PDE8B: variants seen among roughly 807,000 people sequenced by gnomAD.
PDE8B encodes high affinity cAMP-specific and IBMX-insensitive 3',5'-cyclic phosphodiesterase 8B.
A neutral mutation model predicts 101.3 loss-of-function variants in PDE8B; 26 were observed. That is an observed-to-expected ratio of 0.26 (90% CI 0.19 to 0.36). The LOEUF (loss-of-function observed/expected upper bound fraction) is 0.36, where lower values mean the gene tolerates loss of function less well. Ranked by LOEUF, PDE8B falls within the 10% of genes least tolerant of loss-of-function variation. The pLI, the probability that PDE8B is intolerant of heterozygous loss-of-function variation, is 1.00. For synonymous variants in PDE8B, 424 were observed against 429.3 expected, an observed-to-expected ratio of 0.99 and a Z score of 0.15; for missense variants, 810 against 1,163.1, an observed-to-expected ratio of 0.70 and a Z score of 4.42.
intron 6 of PDE8B, among the ~76,000 whole-genome samples, chr5:77,343,622 T>C (rs1779612647): frequency 6.6e-6 from 1 of 152,228 alleles, no homozygotes; most frequent in Non-Finnish European, 1.5e-5. Flanking sequence ...CAGGGCATTA[T>C]GTGTATAGGA....
chr5:77,392,935 A>G (rs1790244771), intron 10 of PDE8B, among the ~76,000 whole-genome samples: 2 of 152,242 alleles, frequency 1.3e-5, no homozygotes, highest in Admixed American at 6.5e-5. Context: ...AATAGTAGAA[A>G]TATAATGACA....
intron 1 of PDE8B, among the ~76,000 whole-genome samples, chr5:77,283,106 G>A (rs1399834440): frequency 2.0e-5 from 3 of 152,072 alleles, no homozygotes; most frequent in East Asian, 1.9e-4. Context: ...ATAGCTTTAC[G>A]TCTTTTACAT....
At chr5:77,367,229 T>C (rs998587657) in intron 10 of PDE8B, among the ~76,000 whole-genome samples, 1 of 152,014 alleles carries the variant, frequency 6.6e-6, no homozygotes, top group Non-Finnish European at 1.5e-5. Flanking sequence ...AGAAACTTCC[T>C]CACTGTCTTC....
intron 1 of PDE8B, among the ~76,000 whole-genome samples, chr5:77,233,774 T>G (rs535739310): frequency 6.6e-6 from 1 of 151,714 alleles, no homozygotes; most frequent in East Asian, 1.9e-4. Flanking sequence ...TTTATTAATA[T>G]TTCCACCTTT....
intron 1 of PDE8B, among the ~76,000 whole-genome samples, chr5:77,244,029 T>C (rs977855352): frequency 6.6e-6 from 1 of 151,638 alleles, no homozygotes; most frequent in African/African-American, 2.4e-5. Flanking sequence ...GCAGGGTATG[T>C]GGGAGAGTTG....
the PDE8B span, among the ~76,000 whole-genome samples, chr5:77,204,842 T>G: frequency 6.6e-6 from 1 of 152,226 alleles, no homozygotes; most frequent in African/African-American, 2.4e-5. Context: ...ACTCATGGAT[T>G]GTACTATATT....
At chr5:77,124,717 A>G in the PDE8B span, among the ~76,000 whole-genome samples, 2 of 152,358 alleles carry the variant, frequency 1.3e-5, no homozygotes, top group South Asian at 4.1e-4. Flanking sequence ...TACAACATCC[A>G]AAATTGAAAA....
At chr5:77,387,364 C>A (rs1025706401) in intron 10 of PDE8B, among the ~76,000 whole-genome samples, 3 of 152,120 alleles carry the variant, frequency 2.0e-5, no homozygotes, top group African/African-American at 7.2e-5. Context: ...GTTGAAAATT[C>A]TTTTCTTTAA....
chr5:77,275,418 T>A (rs1226453474), intron 1 of PDE8B, among the ~76,000 whole-genome samples: 2 of 152,202 alleles, frequency 1.3e-5, no homozygotes, highest in Non-Finnish European at 2.9e-5. Flanking sequence ...TTTCTGCCAT[T>A]ATCCCTTTGG....
chr5:77,230,284 A>G (rs1753303032), intron 1 of PDE8B, among the ~76,000 whole-genome samples: 2 of 152,082 alleles, frequency 1.3e-5, no homozygotes, highest in African/African-American at 4.8e-5. Context: ...CTTCAGAAAA[A>G]CTATATTGGT....
chr5:77,366,525 C>T (rs941059694), intron 10 of PDE8B, among the ~76,000 whole-genome samples: 9 of 152,106 alleles, frequency 5.9e-5, no homozygotes, highest in Non-Finnish European at 1.3e-4. Context: ...CAGCTTTTTG[C>T]ATTAGAGGGC....
At chr5:77,393,429 G>T (rs1790378099) in intron 10 of PDE8B, among the ~76,000 whole-genome samples, 1 of 151,518 alleles carries the variant, frequency 6.6e-6, no homozygotes, top group Non-Finnish European at 1.5e-5. Flanking sequence ...AAGAAAAAGA[G>T]TGGTTAGGAC....
chr5:77,099,801 G>A, the PDE8B span, among the ~76,000 whole-genome samples: 1 of 151,946 alleles, frequency 6.6e-6, no homozygotes, highest in Admixed American at 6.6e-5. Flanking sequence ...GTAGAAACAG[G>A]GTTTCACCAT....
chr5:77,116,430 T>C, the PDE8B span, among the ~76,000 whole-genome samples: 1 of 151,882 alleles, frequency 6.6e-6, no homozygotes, highest in East Asian at 1.9e-4. Flanking sequence ...ACAAAAGAGA[T>C]GGAGTTTCAC....
At chr5:77,349,386 C>G in intron 7 of PDE8B, 33 bp from the exon 8 acceptor site, 1 of 1,613,564 alleles carries the variant, frequency 6.2e-7, no homozygotes, top group Non-Finnish European at 8.5e-7. Context: ...TCTTGTGTCC[C>G]CGCACTGATC....
Position 77,309,943 on chromosome 5 carries a change from C to CTTTTTTTT in PDE8B, c.340-2035_340-2028dup, listed in dbSNP as rs955296324. ...CTGGTTTCCCTTTTTAATCATTAAT[C>CTTTTTTTT]TTTTTTTTTTTTTTTTTTTTTTTGA... On this transcript the variant is annotated intron_variant, in intron 1 of 21. Coordinates refer to ENST00000264917, the MANE Select transcript of PDE8B (RefSeq NM_003719.5). 6.8e-3 allele frequency among the ~76,000 whole-genome samples: 778 copies of CTTTTTTTT among 113,930 alleles called. 12 individuals carry two copies. Among genetic ancestry groups the CTTTTTTTT allele is most frequent in the African/African-American group, 0.017 (512 of 30,248 alleles). The allele number at this position is 113,930 out of a possible 152,430, so 74.7% of individuals were successfully genotyped here.
At chr5:77,281,393 T>C (rs918972366) in intron 1 of PDE8B, among the ~76,000 whole-genome samples, 1 of 152,226 alleles carries the variant, frequency 6.6e-6, no homozygotes, top group African/African-American at 2.4e-5. Flanking sequence ...ATTATTCTCT[T>C]GTAGCTCTGG....
At chr5:77,407,123 C>T (rs1793630508) in intron 12 of PDE8B, among the ~76,000 whole-genome samples, 1 of 152,212 alleles carries the variant, frequency 6.6e-6, no homozygotes, top group African/African-American at 2.4e-5. Flanking sequence ...CATCAACCTT[C>T]TCTGAAATTC....
At chr5:77,418,662 A>G (rs550184012) in intron 18 of PDE8B, among the ~76,000 whole-genome samples, 7 of 152,214 alleles carry the variant, frequency 4.6e-5, no homozygotes, top group African/African-American at 7.2e-5. Flanking sequence ...TGTTTTATAC[A>G]CTGCAGAACA....
Sources: gnomAD v4.1 joint callset for allele counts (sites outside exome capture counted in the v4.1 genomes callset) on GRCh38, gnomAD v4.1.1 for gene constraint, MANE v1.5 for transcripts, NCBI Gene and HGNC (gene_info 2026-07-23, HGNC 2026-07-21) for gene names.